SDK1: variants seen among roughly 807,000 people sequenced by gnomAD.
The protein encoded by SDK1 is sidekick cell adhesion molecule 1, also known as protein sidekick-1.
SDK1 carries 157 observed loss-of-function variants against 245.5 expected under a neutral mutation model. That is an observed-to-expected ratio of 0.64 (90% confidence interval 0.56 to 0.73). The LOEUF is 0.73. Ranked by LOEUF, SDK1 falls within the 30% of genes least tolerant of loss-of-function variation. The pLI, the probability that SDK1 is intolerant of heterozygous loss-of-function variation, is 0.00. For missense variants in SDK1, 3,583 were observed against 3,002.3 expected (o/e 1.19, Z -4.52); for synonymous variants, 1,647 against 1,278.5 (o/e 1.29, Z -6.15).
chr7:3,777,128 T>C (rs1562435557), intron 4 of SDK1, among the ~76,000 whole-genome samples: 1 of 152,194 alleles, frequency 6.6e-6, no homozygotes, highest in Admixed American at 6.5e-5. Context: ...GGCGCTTACA[T>C]TGGATGAGAT....
At chr7:3,499,462 C>T (rs957455806) in intron 1 of SDK1, among the ~76,000 whole-genome samples, 23 of 152,172 alleles carry the variant, frequency 1.5e-4, no homozygotes, top group Non-Finnish European at 3.2e-4. Flanking sequence ...AACTACCCAA[C>T]TTCAGGTTAA....
In SDK1 at chr7:3,605,666, A is replaced by G. The variant is rs142798705; in HGVS notation, c.299-13414A>G. On this transcript the variant is annotated intron_variant, in intron 1 of 44. Coordinates refer to ENST00000404826, the MANE Select transcript of SDK1 (RefSeq NM_152744.4). ...AGTAATTTTCACTATGTCTGATTAC[A>G]TAATTAGATTTGGGATACCAACTGG... is the stretch of plus-strand genomic sequence containing the variant. Among the ~76,000 whole-genome samples, 619 of 152,232 alleles carry G rather than the reference A, an allele frequency of 4.1e-3. 9 individuals carry two copies. The East Asian group carries it at 0.053, about 13-fold the overall frequency.
intron 1 of SDK1, among the ~76,000 whole-genome samples, chr7:3,329,346 CT>C (rs1780011748): frequency 6.6e-6 from 1 of 152,056 alleles, no homozygotes. Flanking sequence ...TTTTCACATA[CT>C]TTTTTGAAAA....
intron 1 of SDK1, among the ~76,000 whole-genome samples, chr7:3,357,811 T>A (rs1780846358): frequency 6.6e-6 from 1 of 152,194 alleles, no homozygotes; most frequent in Non-Finnish European, 1.5e-5. Flanking sequence ...AACTCTGAAC[T>A]TTCTTTGCTA....
intron 4 of SDK1, among the ~76,000 whole-genome samples, chr7:3,820,972 C>G (rs1779630296): frequency 6.6e-6 from 1 of 152,234 alleles, no homozygotes; most frequent in South Asian, 2.1e-4. Flanking sequence ...TGGCGACTTT[C>G]CTTCTACGCA....
At chr7:4,147,577 C>T (rs1232935383) in intron 29 of SDK1, among the ~76,000 whole-genome samples, 1 of 152,150 alleles carries the variant, frequency 6.6e-6, no homozygotes, top group Non-Finnish European at 1.5e-5. Flanking sequence ...CCTCCCATAG[C>T]ATTCAGTGAA....
At chr7:3,607,432 C>G (rs1781458166) in intron 1 of SDK1, among the ~76,000 whole-genome samples, 1 of 152,176 alleles carries the variant, frequency 6.6e-6, no homozygotes, top group Non-Finnish European at 1.5e-5. Flanking sequence ...TCCTGTTTAT[C>G]TCCCTAAACT....
At chr7:3,621,326 C>G (rs1186348947) in intron 2 of SDK1, among the ~76,000 whole-genome samples, 1 of 152,130 alleles carries the variant, frequency 6.6e-6, no homozygotes, top group African/African-American at 2.4e-5. Context: ...GACAAGTTAT[C>G]TAATGTTGAT....
chr7:4,089,119 ACCCT>A (rs942129882), intron 22 of SDK1, among the ~76,000 whole-genome samples: 6 of 148,532 alleles, frequency 4.0e-5, no homozygotes, highest in African/African-American at 7.5e-5. Flanking sequence ...CGGAGGTGAG[ACCCT>A]CCCTCAGGCG....
At chr7:3,551,679 A>G (rs899608387) in intron 1 of SDK1, among the ~76,000 whole-genome samples, 1 of 151,994 alleles carries the variant, frequency 6.6e-6, no homozygotes, top group Non-Finnish European at 1.5e-5. Context: ...GAAAACTTGT[A>G]AAGTTACTTA....
intron 1 of SDK1, among the ~76,000 whole-genome samples, chr7:3,597,916 G>T (rs976318674): frequency 6.6e-6 from 1 of 151,828 alleles, no homozygotes; most frequent in African/African-American, 2.4e-5. Context: ...AAAATTACTC[G>T]TGTGGATGTA....
intron 1 of SDK1, among the ~76,000 whole-genome samples, chr7:3,344,569 T>C (rs142045883): frequency 6.6e-6 from 1 of 152,322 alleles, no homozygotes; most frequent in East Asian, 1.9e-4. Context: ...ATGTGACAGT[T>C]GCTCTTGTTA....
chr7:3,785,889 A>G (rs868423899), intron 4 of SDK1, among the ~76,000 whole-genome samples: 16 of 152,198 alleles, frequency 1.1e-4, no homozygotes, highest in South Asian at 2.1e-4. Flanking sequence ...TTTTTCCCCT[A>G]TGCAAAATAG....
chr7:3,498,235 A>G (rs1335190527), intron 1 of SDK1, among the ~76,000 whole-genome samples: 4 of 152,208 alleles, frequency 2.6e-5, no homozygotes, highest in African/African-American at 9.7e-5. Context: ...TATGAGAACT[A>G]AAGACGACAT....
At chr7:3,607,748 T>C (rs1018270327) in intron 1 of SDK1, among the ~76,000 whole-genome samples, 3 of 152,246 alleles carry the variant, frequency 2.0e-5, no homozygotes, top group African/African-American at 7.2e-5. Flanking sequence ...AAGTTCAAGA[T>C]CCAGCATTCT....
intron 1 of SDK1, among the ~76,000 whole-genome samples, chr7:3,468,623 C>G (rs1051754701): frequency 6.8e-6 from 1 of 147,460 alleles, no homozygotes; most frequent in Non-Finnish European, 1.5e-5. Context: ...AGTGTCCTCC[C>G]TTATACCCAG....
At chr7:3,342,471 CCAGTTACT>C (rs1780374041) in intron 1 of SDK1, among the ~76,000 whole-genome samples, 1 of 151,956 alleles carries the variant, frequency 6.6e-6, no homozygotes, top group African/African-American at 2.4e-5. Flanking sequence ...GCCTGTAATC[CCAGTTACT>C]CAGGAGGCTG....
chr7:3,441,732 G>T lies in SDK1; in HGVS notation c.298+139848G>T, dbSNP rs1028394887. Among the ~76,000 whole-genome samples, 6 of 152,228 alleles carry T rather than the reference G, an allele frequency of 3.9e-5. No individual in the cohort carries two copies. In the East Asian group the frequency reaches 7.7e-4, roughly 20 times the overall value. Reference sequence around the variant, plus strand: ...TTTGACTGGGATTGCATTGGATCTTGTAAATCAATTTGGGTAGAATAGACA... The same window carrying T: ...TTTGACTGGGATTGCATTGGATCTTTTAAATCAATTTGGGTAGAATAGACA... On this transcript the variant is annotated intron_variant, in intron 1 of 44. Transcript: ENST00000404826.
intron 40 of SDK1, chr7:4,232,908 A>G (rs965826685): frequency 5.8e-6 from 1 of 172,452 alleles, no homozygotes; most frequent in African/African-American, 2.4e-5. Flanking sequence ...TTTAATTTTG[A>G]GTTTATTCAT....
Sources: allele counts gnomAD v4.1 joint callset (sites outside exome capture counted in the v4.1 genomes callset), GRCh38; gene constraint gnomAD v4.1.1; transcripts MANE v1.5; gene names NCBI Gene and HGNC (gene_info 2026-07-23, HGNC 2026-07-21).